Variants in PLCB4 observed in about 807,000 individuals in gnomAD.
PLCB4 encodes the protein 1-phosphatidylinositol 4,5-bisphosphate phosphodiesterase beta-4.
Under a neutral mutation model 178.8 loss-of-function variants are expected in PLCB4, and 77 were observed. That is an observed-to-expected ratio of 0.43 (90% CI 0.36 to 0.52). The LOEUF is 0.52. PLCB4 is among the 20% of genes least tolerant of loss of function. PLCB4 has a pLI of 0.00. For missense variants in PLCB4, 1,024 were observed against 1,453.4 expected, an observed-to-expected ratio of 0.70 and a Z score of 4.80; for synonymous variants, 496 against 490.8, an observed-to-expected ratio of 1.01 and a Z score of -0.14.
chr20:9,137,681 G>A (rs2092410617), intron 2 of PLCB4, among the ~76,000 whole-genome samples: 1 of 151,630 alleles, frequency 6.6e-6, no homozygotes, highest in South Asian at 2.1e-4. Flanking sequence ...AGATAAGTAA[G>A]TATTTTCCCC....
intron 2 of PLCB4, among the ~76,000 whole-genome samples, chr20:9,205,801 C>T (rs901625112): frequency 8.5e-5 from 13 of 152,168 alleles, no homozygotes; most frequent in African/African-American, 1.2e-4. Context: ...CCCTGGGAAC[C>T]ATTAATCTGT....
intron 35 of PLCB4, among the ~76,000 whole-genome samples, chr20:9,464,228 C>T (rs1193039356): frequency 1.3e-5 from 2 of 152,026 alleles, no homozygotes; most frequent in Non-Finnish European, 2.9e-5. Context: ...TCTTTGAAAC[C>T]AATGAGAACA....
At chr20:9,298,381 T>G (rs1170429789) in intron 3 of PLCB4, among the ~76,000 whole-genome samples, 2 of 152,144 alleles carry the variant, frequency 1.3e-5, no homozygotes, top group African/African-American at 4.8e-5. Flanking sequence ...ACCTGTCTTT[T>G]GTTATAGAGG....
chr20:9,461,645 A>C (rs750205085), intron 35 of PLCB4, among the ~76,000 whole-genome samples: 1 of 152,238 alleles, frequency 6.6e-6, no homozygotes, highest in African/African-American at 2.4e-5. Context: ...CCATGTAGCC[A>C]GGCTCACTGC....
intron 4 of PLCB4, among the ~76,000 whole-genome samples, chr20:9,329,972 A>T (rs749547468): frequency 6.6e-6 from 1 of 152,208 alleles, no homozygotes; most frequent in Non-Finnish European, 1.5e-5. Context: ...TGATGGCAGG[A>T]TGTTATCACT....
chr20:9,182,317 C>A (rs942106882), intron 2 of PLCB4, among the ~76,000 whole-genome samples: 1 of 152,142 alleles, frequency 6.6e-6, no homozygotes, highest in African/African-American at 2.4e-5. Context: ...TCACCTGCTT[C>A]TGGGGCTCTC....
intron 1 of PLCB4, among the ~76,000 whole-genome samples, chr20:9,077,004 T>C (rs1275085990): frequency 6.6e-6 from 1 of 152,192 alleles, no homozygotes; most frequent in East Asian, 1.9e-4. Context: ...CTTTTTTCTG[T>C]ACATTTACAT....
intron 6 of PLCB4, 31 bp from the exon 7 acceptor site, chr20:9,338,862 AT>A (rs745937703): frequency 8.3e-5 from 129 of 1,546,288 alleles, no homozygotes; most frequent in Middle Eastern, 3.5e-4. Flanking sequence ...GATGTAACTT[AT>A]TTTTTTTTCT....
chr20:9,070,905 T>C (rs2089539575), intron 1 of PLCB4, among the ~76,000 whole-genome samples: 1 of 152,198 alleles, frequency 6.6e-6, no homozygotes, highest in Non-Finnish European at 1.5e-5. Flanking sequence ...AAAACAGAAT[T>C]TCTAACTCCA....
intron 2 of PLCB4, among the ~76,000 whole-genome samples, chr20:9,195,913 G>C (rs2093466372): frequency 1.3e-5 from 2 of 152,142 alleles, no homozygotes; most frequent in Non-Finnish European, 2.9e-5. Flanking sequence ...ACCATGCCTG[G>C]GGAGGGGTGG....
intron 2 of PLCB4, among the ~76,000 whole-genome samples, chr20:9,201,720 G>GA (rs991342388): frequency 1.3e-5 from 2 of 151,890 alleles, no homozygotes; most frequent in African/African-American, 2.4e-5. Context: ...AAAATAAGAA[G>GA]AAAAAAAACT....
intron 1 of PLCB4, among the ~76,000 whole-genome samples, chr20:9,076,319 T>A (rs2146489257): frequency 1.3e-5 from 2 of 152,078 alleles, no homozygotes; most frequent in South Asian, 4.2e-4. Flanking sequence ...ATACAAAAAT[T>A]AGCCGGGTGT....
At chr20:9,417,316 G>A (rs2040318827) in intron 25 of PLCB4, among the ~76,000 whole-genome samples, 1 of 152,068 alleles carries the variant, frequency 6.6e-6, no homozygotes, top group African/African-American at 2.4e-5. Context: ...ATTGTGTAGT[G>A]AGGGTAATTG....
intron 12 of PLCB4, among the ~76,000 whole-genome samples, chr20:9,378,602 C>T (rs2036876654): frequency 6.6e-6 from 1 of 152,164 alleles, no homozygotes. Flanking sequence ...CCCTGCATAT[C>T]CCATAACTTT....
intron 18 of PLCB4, among the ~76,000 whole-genome samples, chr20:9,395,088 T>C (rs2038461244): frequency 6.6e-6 from 1 of 152,222 alleles, no homozygotes; most frequent in South Asian, 2.1e-4. Flanking sequence ...CCCCATTAAA[T>C]CAGTTGCAAA....
At chr20:9,448,270 G>A (rs575574163) in intron 32 of PLCB4, among the ~76,000 whole-genome samples, 2 of 152,120 alleles carry the variant, frequency 1.3e-5, no homozygotes, top group Admixed American at 1.3e-4. Context: ...TCTGTGAAAG[G>A]ACATCTACAG....
At chr20:9,102,748 G>T (rs567528545) in intron 2 of PLCB4, among the ~76,000 whole-genome samples, 5 of 151,866 alleles carry the variant, frequency 3.3e-5, no homozygotes, top group African/African-American at 1.2e-4. Context: ...TTTGGGGGGG[G>T]GCTATAGCTT....
chr20:9,069,745 C>T (rs184066709), intron 1 of PLCB4, among the ~76,000 whole-genome samples: 1 of 152,286 alleles, frequency 6.6e-6, no homozygotes, highest in East Asian at 1.9e-4. Context: ...TAGTACAATA[C>T]TTCTGAGTGT....
chr20:9,077,605 A>G (rs2146495884), intron 1 of PLCB4, among the ~76,000 whole-genome samples: 1 of 152,330 alleles, frequency 6.6e-6, no homozygotes, highest in East Asian at 1.9e-4. Flanking sequence ...CTAATGTAAA[A>G]ACTCTTTTAA....
Sources: gnomAD v4.1 joint callset for allele counts (sites outside exome capture counted in the v4.1 genomes callset) on GRCh38, gnomAD v4.1.1 for gene constraint, MANE v1.5 for transcripts, NCBI Gene and HGNC (gene_info 2026-07-23, HGNC 2026-07-21) for gene names.